CPNE4: variants seen among roughly 807,000 people sequenced by gnomAD.
CPNE4 encodes the protein copine 4.
CPNE4 carries 25 observed loss-of-function variants against 67.9 expected under a neutral mutation model. The observed-to-expected ratio is 0.37, with a 90% CI of 0.27 to 0.51. CPNE4 has a LOEUF of 0.51. Ranked by LOEUF, CPNE4 falls within the 20% of genes least tolerant of loss-of-function variation. The probability of loss-of-function intolerance (pLI) is 0.93; values close to 1 mark genes in which losing one functional copy is unlikely to be tolerated. For synonymous variants in CPNE4, 242 were observed against 244.9 expected (o/e 0.99, Z 0.11); for missense variants, 464 against 690.8 (o/e 0.67, Z 3.68).
Position 131,696,565 on chromosome 3 carries a change from T to C in CPNE4, c.484A>G (p.Asn162Asp). The change falls in exon 5 of 16, where the codon AAT becomes GAT. Residue 162 changes from asparagine (N) to aspartate (D), a missense_variant. By Grantham distance (23) the Asn-to-Asp change is conservative (BLOSUM62 1). This residue lies in a region of CPNE4 where 170 missense variants were observed against 203.3 expected (regional missense o/e 0.84). Transcript: ENST00000429747. ...ACCTTGTCATCCAATTTCCGTGCAT[T>C]GAATGCAAGCTCAACATAGTCGTCA... ...GNDDYVELAF[N>D]ARKLDDKDFF... The C allele has an allele frequency of 6.2e-7, 1 of 1,614,018 alleles. No individual in the cohort carries two copies. The highest frequency in any genetic ancestry group is 1.1e-5 in the South Asian group (1 of 91,078).
intron 3 of CPNE4, among the ~76,000 whole-genome samples, chr3:131,721,616 C>T (rs1375854013): frequency 6.6e-6 from 1 of 152,030 alleles, no homozygotes; most frequent in Non-Finnish European, 1.5e-5. Context: ...AGGATGGTCT[C>T]GATCTCCTGG....
chr3:131,938,645 GA>G (rs2071296119), intron 1 of CPNE4, among the ~76,000 whole-genome samples: 1 of 152,000 alleles, frequency 6.6e-6, no homozygotes, highest in South Asian at 2.1e-4. Context: ...AGAGAAGGGG[GA>G]AACTGCCAAA....
intron 1 of CPNE4, among the ~76,000 whole-genome samples, chr3:131,958,419 T>C: frequency 9.4e-6 from 1 of 106,070 alleles, no homozygotes; most frequent in African/African-American, 2.7e-5. Context: ...GACCTGCTGA[T>C]TTGGAAACTG....
chr3:131,913,936 C>G (rs2089082827), intron 1 of CPNE4, among the ~76,000 whole-genome samples: 1 of 152,124 alleles, frequency 6.6e-6, no homozygotes, highest in African/African-American at 2.4e-5. Context: ...GTATCTGGGC[C>G]ATAATGAGCA....
At chr3:131,853,448 G>T (rs1239119613) in intron 2 of CPNE4, among the ~76,000 whole-genome samples, 1 of 151,746 alleles carries the variant, frequency 6.6e-6, no homozygotes, top group African/African-American at 2.4e-5. Context: ...TGAAAGAAAA[G>T]CTAGAACTAT....
At chr3:131,885,226 T>A (rs182114131) in intron 2 of CPNE4, among the ~76,000 whole-genome samples, 2 of 152,160 alleles carry the variant, frequency 1.3e-5, no homozygotes, top group Non-Finnish European at 1.5e-5. Context: ...CAAAAGTGAC[T>A]CCTGTTATGT....
chr3:131,829,948 C>T (rs1052550110), intron 2 of CPNE4, among the ~76,000 whole-genome samples: 1 of 152,112 alleles, frequency 6.6e-6, no homozygotes, highest in African/African-American at 2.4e-5. Flanking sequence ...ACACAAACAC[C>T]TTCAAAAGTC....
intron 1 of CPNE4, among the ~76,000 whole-genome samples, chr3:131,915,917 A>G (rs2089164984): frequency 6.6e-6 from 1 of 152,216 alleles, no homozygotes; most frequent in Admixed American, 6.6e-5. Context: ...TCACATTTAT[A>G]TTAACTTTAT....
At chr3:131,999,014 T>C (rs2073362343) in intron 1 of CPNE4, among the ~76,000 whole-genome samples, 1 of 151,858 alleles carries the variant, frequency 6.6e-6, no homozygotes, top group South Asian at 2.1e-4. Context: ...GTGATTACTT[T>C]AGAATGGGTG....
chr3:131,584,308 G>A (rs1027580958), intron 8 of CPNE4, among the ~76,000 whole-genome samples: 1 of 152,062 alleles, frequency 6.6e-6, no homozygotes, highest in Non-Finnish European at 1.5e-5. Flanking sequence ...TCTCCTCTGA[G>A]TACCAGTTTT....
chr3:131,567,968 G>A (rs190615251), intron 10 of CPNE4, among the ~76,000 whole-genome samples: 144 of 151,998 alleles, frequency 9.5e-4, no homozygotes, highest in African/African-American at 3.4e-3. Context: ...TTTTCCCATG[G>A]CAATGGCCCC....
At chr3:131,740,764 G>A (rs576446517) in intron 2 of CPNE4, among the ~76,000 whole-genome samples, 15 of 152,064 alleles carry the variant, frequency 9.9e-5, no homozygotes, top group African/African-American at 2.7e-4. Flanking sequence ...AAAACCTTCC[G>A]ACAACTCCCC....
At position 131,905,313 on chromosome 3, in the gene CPNE4, G is replaced by C. The variant is rs770516364; in HGVS notation, c.131C>G (p.Pro44Arg). Reference sequence around the variant, plus strand: ...CATCTTGAGGATGACACAGGGGTCTGGTTTGGAAAGGGCATCTCTGTCAGA... The same window carrying C: ...CATCTTGAGGATGACACAGGGGTCTCGTTTGGAAAGGGCATCTCTGTCAGA... ...GISDRDALSK[P>R]DPCVILKMQS... The change falls in exon 2 of 16, where the codon CCA becomes CGA. Residue 44 changes from proline to arginine, a missense_variant. Transcript: ENST00000429747. The C allele has an allele frequency of 6.2e-7, 1 of 1,613,568 alleles. No homozygotes were observed. The highest frequency in any genetic ancestry group is 2.2e-5 in the East Asian group (1 of 44,864).
At chr3:131,678,301 A>G (rs2107668556) in intron 6 of CPNE4, among the ~76,000 whole-genome samples, 1 of 152,052 alleles carries the variant, frequency 6.6e-6, no homozygotes, top group East Asian at 1.9e-4. Flanking sequence ...TGAGACCTTT[A>G]CTGAAGTTGT....
At chr3:131,539,364 CACTTA>C (rs745398336) in intron 15 of CPNE4, among the ~76,000 whole-genome samples, 22 of 152,210 alleles carry the variant, frequency 1.4e-4, no homozygotes, top group Non-Finnish European at 2.2e-4. Flanking sequence ...TTTCCTCAAA[CACTTA>C]ACTTAAGCTG....
At chr3:131,818,391 T>C (rs908215860) in intron 2 of CPNE4, among the ~76,000 whole-genome samples, 2 of 152,196 alleles carry the variant, frequency 1.3e-5, no homozygotes, top group African/African-American at 4.8e-5. Context: ...AGTTTCTCCA[T>C]GTCACTAATA....
chr3:131,543,280 G>T (rs186528941), intron 14 of CPNE4, among the ~76,000 whole-genome samples: 1 of 152,142 alleles, frequency 6.6e-6, no homozygotes, highest in African/African-American at 2.4e-5. Flanking sequence ...AGCAAGTGAC[G>T]AACTGAATTT....
chr3:131,700,010 A>C (rs759177005), intron 3 of CPNE4, 30 bp from the exon 4 acceptor site: 4 of 1,538,012 alleles, frequency 2.6e-6, no homozygotes, highest in Admixed American at 1.7e-5. Context: ...AGGTAACAAA[A>C]GGTAGAGATA....
intron 2 of CPNE4, among the ~76,000 whole-genome samples, chr3:131,823,360 G>T (rs2085035203): frequency 6.6e-6 from 1 of 152,164 alleles, no homozygotes; most frequent in African/African-American, 2.4e-5. Flanking sequence ...CCCTGTATTT[G>T]ACACTGACTG....
Sources: gnomAD v4.1 joint callset for allele counts (sites outside exome capture counted in the v4.1 genomes callset) on GRCh38, gnomAD v4.1.1 for gene constraint, gnomAD v4.1.1 regional missense constraint, MANE v1.5 for transcripts, NCBI Gene and HGNC (gene_info 2026-07-23, HGNC 2026-07-21) for gene names.